ANKLE2: variants seen among roughly 807,000 people sequenced by gnomAD.
ANKLE2 encodes the protein ankyrin repeat and LEM domain containing 2.
A neutral mutation model predicts 84.2 loss-of-function variants in ANKLE2; 55 were observed. The observed-to-expected ratio is 0.65, with a 90% confidence interval of 0.53 to 0.82. The LOEUF (loss-of-function observed/expected upper bound fraction) is 0.82, where lower values mean the gene tolerates loss of function less well. Ranked by LOEUF, ANKLE2 falls within the 40% of genes least tolerant of loss-of-function variation. ANKLE2 has a pLI of 0.00. For missense variants in ANKLE2, 1,238 were observed against 1,201.9 expected (o/e 1.03, Z -0.44); for synonymous variants, 551 against 486.1 (o/e 1.13, Z -1.76).
Position 132,727,067 on chromosome 12 carries a change from A to T in ANKLE2, c.*175T>A, listed in dbSNP as rs984522762. On this transcript the variant is annotated 3_prime_UTR_variant, in exon 13 of 13. Transcript: ENST00000357997. ...TTTCATTAACTTCTAACTTCTTCCA[A>T]AATATCAGAAATCTAAGTGTTATAT... 4.4e-6 allele frequency: 3 copies of T among 685,278 alleles called. No individual in the cohort carries two copies. The African/African-American group carries it at 5.4e-5, about 12-fold the overall frequency. 42.4% of individuals were successfully genotyped at this position (685,278 alleles called of 1,614,324 possible).
chr12:132,741,286 G>T, intron 7 of ANKLE2, 133 bp downstream of exon 7: 1 of 817,254 alleles, frequency 1.2e-6, no homozygotes, highest in South Asian at 1.7e-5. Context: ...GGATGATCCC[G>T]AGGAGAGGCT....
In ANKLE2 at chr12:132,728,018, CG is replaced by C; in HGVS notation, c.2615+13del. 6.3e-7 allele frequency: 1 copy of C among 1,584,438 alleles called. No homozygotes were observed. Among genetic ancestry groups the C allele is most frequent in the Non-Finnish European group, 8.6e-7 (1 of 1,169,230 alleles). On this transcript the variant is annotated intron_variant, in intron 12 of 12. Transcript: ENST00000357997. ...GCTGCCCTGCGGGTGACAGGCTGTCCGGGCCCCACATACCTCTGTCTGTCCG... is the reference window on the plus strand; with the variant it reads ...GCTGCCCTGCGGGTGACAGGCTGTCCGGCCCCACATACCTCTGTCTGTCCG...
At chr12:132,759,185 C>CAGTGTG (rs1254696435) in intron 1 of ANKLE2, 3 of 65,878 alleles carry the variant, frequency 4.6e-5, no homozygotes, top group African/African-American at 7.8e-5. Context: ...CCCGGGGCAC[C>CAGTGTG]CACGTGGCAG....
In ANKLE2 at chr12:132,727,412, T is replaced by A; in HGVS notation, c.2647A>T (p.Lys883Ter). ...WPSPAVKGRFKSQLPDLSGPH... is the reference protein window; with the variant it reads ...WPSPAVKGRF ...CCACTGAGATCTGGCAGCTGAGACT[T>A]GAACCTTCCTTTCACCGCGGGACTG... Residue 883 changes from lysine (K) to a stop codon, truncating the protein, a stop_gained, in exon 13 of 13, where the codon AAG becomes TAG. Transcript: ENST00000357997. LOFTEE classifies it low-confidence loss of function (END_TRUNC). The A allele has an allele frequency of 6.4e-7, 1 of 1,560,370 alleles. No individual in the cohort carries two copies. Among genetic ancestry groups the A allele is most frequent in the Non-Finnish European group, 8.7e-7 (1 of 1,152,106 alleles).
At chr12:132,735,235 A>C in intron 9 of ANKLE2, 171 bp downstream of exon 9, 2 of 651,112 alleles carry the variant, frequency 3.1e-6, no homozygotes, top group Non-Finnish European at 5.4e-6. Flanking sequence ...GACTGGCTTA[A>C]GCTAGAATTC....
chr12:132,744,752 C>A (rs1361824434), intron 5 of ANKLE2, among the ~76,000 whole-genome samples: 1 of 152,252 alleles, frequency 6.6e-6, no homozygotes, highest in African/African-American at 2.4e-5. Flanking sequence ...GTGATATGGG[C>A]TTACTGCAAG....
chr12:132,742,071 AACT>A (rs750563482), intron 6 of ANKLE2: 1 of 319,708 alleles, frequency 3.1e-6, no homozygotes, highest in Non-Finnish European at 6.1e-6. Flanking sequence ...CTATGAATGC[AACT>A]ACATTTTTGA....
intron 8 of ANKLE2, among the ~76,000 whole-genome samples, chr12:132,736,201 C>T (rs534581411): frequency 4.7e-4 from 72 of 152,340 alleles, no homozygotes; most frequent in African/African-American, 1.6e-3. Flanking sequence ...CCACCCGCCT[C>T]GGCCTCCCAA....
intron 2 of ANKLE2, among the ~76,000 whole-genome samples, chr12:132,751,630 T>A (rs1013458389): frequency 7.5e-6 from 1 of 133,282 alleles, no homozygotes; most frequent in Admixed American, 7.5e-5. Flanking sequence ...GCGACCATCA[T>A]CTCCCAGGTC....
At chr12:132,748,064 G>A in intron 4 of ANKLE2, 44 bp from the exon 5 acceptor site, 2 of 1,603,298 alleles carry the variant, frequency 1.2e-6, no homozygotes, top group Non-Finnish European at 1.7e-6. Flanking sequence ...CTGATGTGTG[G>A]ACACGCCCTG....
intron 5 of ANKLE2, among the ~76,000 whole-genome samples, chr12:132,744,481 C>T (rs2044193615): frequency 6.6e-6 from 1 of 152,258 alleles, no homozygotes; most frequent in South Asian, 2.1e-4. Context: ...CGCCTCCACT[C>T]CCTGGCAACA....
chr12:132,730,603 G>T, intron 10 of ANKLE2: 1 of 317,220 alleles, frequency 3.2e-6, no homozygotes, highest in East Asian at 4.6e-5. Context: ...CAGGGGGGTC[G>T]CTGGACCCCA....
intron 2 of ANKLE2, among the ~76,000 whole-genome samples, chr12:132,753,585 G>A (rs778449231): frequency 7.9e-5 from 12 of 152,048 alleles, no homozygotes; most frequent in South Asian, 2.1e-4. Flanking sequence ...CCAAAATCGC[G>A]AAACCTTGTC....
chr12:132,754,555 T>G, intron 2 of ANKLE2, 120 bp downstream of exon 2: 5 of 927,050 alleles, frequency 5.4e-6, no homozygotes, highest in Non-Finnish European at 8.0e-6. Context: ...ACTGGGGTGA[T>G]GAGATGGAGG....
At chr12:132,730,322 G>C in intron 10 of ANKLE2, 52 bp from the exon 11 acceptor site, 1 of 1,465,572 alleles carries the variant, frequency 6.8e-7, no homozygotes. Flanking sequence ...GGAAGCCACG[G>C]AGCTGCTCCG....
rs908369865 is a variant in ANKLE2 at position 132,743,426 on chromosome 12, G to A, written c.1231-150C>T. On this transcript the variant is annotated intron_variant, in intron 5 of 12. Coordinates refer to ENST00000357997, the MANE Select transcript of ANKLE2 (RefSeq NM_015114.3). This position sits in a 1 kb window ranked among gnomAD's most constrained non-coding sequence, Gnocchi z 4.1. ...GTGATCTTGGCTCACTGCAACCTCT[G>A]CCTCCCGGGTTTAACCGATTCTCCT... 60 of 1,044,186 alleles carry A rather than the reference G, an allele frequency of 5.7e-5. No individual in the cohort carries two copies. Among genetic ancestry groups the A allele is most frequent in the Non-Finnish European group, 7.5e-5 (58 of 776,676 alleles). 64.7% of individuals were successfully genotyped at this position (1,044,186 alleles called of 1,614,324 possible).
In ANKLE2 at chr12:132,743,442, C is replaced by A. The variant is rs1014203484; in HGVS notation, c.1231-166G>T. On this transcript the variant is annotated intron_variant, in intron 5 of 12. Transcript: ENST00000357997. This position sits in a 1 kb window ranked among gnomAD's most constrained non-coding sequence, Gnocchi z 4.1. Reference sequence around the variant, plus strand: ...GCAACCTCTGCCTCCCGGGTTTAACCGATTCTCCTGCCTCAGGCTCCCCAG... The same window carrying A: ...GCAACCTCTGCCTCCCGGGTTTAACAGATTCTCCTGCCTCAGGCTCCCCAG... Among the ~76,000 whole-genome samples the A allele has an allele frequency of 1.3e-5, 2 of 151,884 alleles. No homozygotes were observed. The highest frequency in any genetic ancestry group is 2.4e-5 in the African/African-American group (1 of 41,350).
intron 8 of ANKLE2, 88 bp downstream of exon 8, chr12:132,736,805 C>T (rs1566018832): frequency 4.1e-6 from 6 of 1,461,266 alleles, no homozygotes; most frequent in Non-Finnish European, 5.5e-6. Flanking sequence ...GTCCCTGAGA[C>T]CACGCACAAG....
intron 3 of ANKLE2, among the ~76,000 whole-genome samples, chr12:132,749,984 T>C (rs746825064): frequency 6.6e-6 from 1 of 152,040 alleles, no homozygotes; most frequent in Non-Finnish European, 1.5e-5. Flanking sequence ...CTTGGCAACA[T>C]GGCAAGACCC....
Sources: gnomAD v4.1 joint callset for allele counts (sites outside exome capture counted in the v4.1 genomes callset) on GRCh38, gnomAD v4.1.1 for gene constraint, Gnocchi (gnomAD v3.1) non-coding constraint, MANE v1.5 for transcripts, NCBI Gene and HGNC (gene_info 2026-07-23, HGNC 2026-07-21) for gene names.